TDRD12: variants seen among roughly 807,000 people sequenced by gnomAD.
The protein encoded by TDRD12 is putative ATP-dependent RNA helicase TDRD12.
TDRD12 carries 158 observed loss-of-function variants against 133.5 expected under a neutral mutation model. The observed-to-expected ratio is 1.18, with a 90% confidence interval of 1.04 to 1.35. The LOEUF (loss-of-function observed/expected upper bound fraction) is 1.35. TDRD12 is among the 40% of genes most tolerant of loss of function. TDRD12 has a pLI of 0.00. For missense variants in TDRD12, 1,443 were observed against 1,321.3 expected (o/e 1.09, Z -1.43); for synonymous variants, 460 against 477.9 (o/e 0.96, Z 0.49).
chr19:32,757,185 G>T (rs1970021349), intron 8 of TDRD12, 55 bp downstream of exon 8: 4 of 1,377,684 alleles, frequency 2.9e-6, no homozygotes, highest in Non-Finnish European at 4.0e-6. Context: ...AATATTCTTA[G>T]CTTTTTAAAG....
At chr19:32,721,015 CG>C in intron 1 of TDRD12, among the ~76,000 whole-genome samples, 1 of 152,142 alleles carries the variant, frequency 6.6e-6, no homozygotes, top group Middle Eastern at 3.4e-3. Context: ...CCGTACTCCA[CG>C]GGGCCCTTAG....
rs1244481585 is a variant in TDRD12 at position 32,818,144 on chromosome 19, CA to C, written c.3371del (p.Gln1124ArgfsTer50). ...AGACCAGGATCATCCATCCGAGGAGCAGGGGGGGCAGGGGTGAGTAAGAACA... is the reference window on the plus strand; with the variant it reads ...AGACCAGGATCATCCATCCGAGGAGCGGGGGGGCAGGGGTGAGTAAGAACA... On this transcript the variant is annotated frameshift_variant, in exon 27 of 28. Coordinates refer to ENST00000444215, the Ensembl canonical transcript of TDRD12. LOFTEE classifies it low-confidence loss of function (END_TRUNC). The C allele has an allele frequency of 1.3e-5, 9 of 701,618 alleles. 1 individual carries two copies. Among genetic ancestry groups the C allele is most frequent in the South Asian group, 5.9e-5 (4 of 67,444 alleles). The allele number at this position is 701,618 out of a possible 1,614,324, so 43.5% of individuals were successfully genotyped here. A position where few individuals can be genotyped will look rare whatever the true frequency, so the allele number is the denominator to read the frequency against.
intron 25 of TDRD12, among the ~76,000 whole-genome samples, chr19:32,814,372 T>C (rs1267400817): frequency 6.6e-6 from 1 of 152,208 alleles, no homozygotes; most frequent in African/African-American, 2.4e-5. Flanking sequence ...ACTTAAATCT[T>C]ACTATGAATA....
chr19:32,769,015 T>A (rs1970372370), intron 8 of TDRD12, among the ~76,000 whole-genome samples: 1 of 152,140 alleles, frequency 6.6e-6, no homozygotes, highest in African/African-American at 2.4e-5. Context: ...AGTGCTGGGA[T>A]TATAGGTGCA....
intron 8 of TDRD12, among the ~76,000 whole-genome samples, chr19:32,764,775 G>T (rs900015275): frequency 6.6e-6 from 1 of 152,064 alleles, no homozygotes; most frequent in African/African-American, 2.4e-5. Context: ...TATTTTGAAG[G>T]TCTGTTACTT....
At chr19:32,807,267 TAAAAAA>T (rs59421213) in intron 21 of TDRD12, among the ~76,000 whole-genome samples, 4 of 47,206 alleles carry the variant, frequency 8.5e-5, no homozygotes, top group Admixed American at 5.9e-4. Context: ...ACCAAACTCT[TAAAAAA>T]AAAAAAAAAA....
At chr19:32,743,731 T>C (rs1468791713) in intron 4 of TDRD12, among the ~76,000 whole-genome samples, 1 of 151,924 alleles carries the variant, frequency 6.6e-6, no homozygotes, top group Non-Finnish European at 1.5e-5. Context: ...AGAATTAACT[T>C]AAGAATATGT....
chr19:32,724,033 A>C (rs751465261), intron 1 of TDRD12, among the ~76,000 whole-genome samples: 31 of 151,864 alleles, frequency 2.0e-4, no homozygotes, highest in Non-Finnish European at 3.8e-4. Flanking sequence ...AATTAAAAAA[A>C]ATTTTTTTAG....
intron 14 of TDRD12, chr19:32,796,315 C>T (rs1468615099): frequency 7.3e-6 from 3 of 409,960 alleles, no homozygotes; most frequent in Admixed American, 6.4e-5. Context: ...GTTGGCCGGG[C>T]GCAGTGGCTC....
chr19:32,746,629 T>A (rs1454167558), intron 4 of TDRD12, among the ~76,000 whole-genome samples: 4 of 97,288 alleles, frequency 4.1e-5, no homozygotes, highest in Admixed American at 1.2e-4. Flanking sequence ...AGAGAGAGAG[T>A]CTGGCTGATG....
At chr19:32,756,395 G>GAT (rs1555767030) in intron 7 of TDRD12, among the ~76,000 whole-genome samples, 2 of 149,314 alleles carry the variant, frequency 1.3e-5, no homozygotes, top group African/African-American at 4.9e-5. Flanking sequence ...CTCGATTTCT[G>GAT]TTTTTTTTTT....
chr19:32,740,018 ACT>A (rs1969366804), intron 3 of TDRD12, among the ~76,000 whole-genome samples: 1 of 39,116 alleles, frequency 2.6e-5, no homozygotes, highest in Non-Finnish European at 4.6e-5. Flanking sequence ...TCTCCTGGGT[ACT>A]CTCTGCATCT....
intron 14 of TDRD12, among the ~76,000 whole-genome samples, chr19:32,795,490 T>C (rs1041900462): frequency 1.3e-4 from 20 of 150,770 alleles, no homozygotes; most frequent in Non-Finnish European, 3.0e-4. Flanking sequence ...TCAGGAAGAG[T>C]TACTGGGGTA....
At chr19:32,800,410 G>A in intron 17 of TDRD12, 52 bp downstream of exon 17, 5 of 1,324,044 alleles carry the variant, frequency 3.8e-6, no homozygotes, top group Non-Finnish European at 5.0e-6. Flanking sequence ...TGTATGTGTT[G>A]GTGGGGGGCT....
chr19:32,791,164 AT>A, intron 13 of TDRD12, 96 bp downstream of exon 13: 2 of 1,267,622 alleles, frequency 1.6e-6, no homozygotes, highest in Non-Finnish European at 2.1e-6. Flanking sequence ...GCATTGTATA[AT>A]TTCTTTGCTT....
chr19:32,803,196 C>A, intron 21 of TDRD12, 54 bp downstream of exon 21: 2 of 1,283,222 alleles, frequency 1.6e-6, no homozygotes, highest in Admixed American at 2.6e-5. Context: ...CAGTAAGGTG[C>A]ACAGCTGTTG....
At chr19:32,804,431 C>T (rs1599609121) in intron 21 of TDRD12, among the ~76,000 whole-genome samples, 1 of 151,262 alleles carries the variant, frequency 6.6e-6, no homozygotes, top group East Asian at 2.0e-4. Context: ...CAGTGGCTCA[C>T]ACCTGTAATC....
chr19:32,795,335 GAAAAAAAAAA>G (rs35855895), intron 14 of TDRD12, among the ~76,000 whole-genome samples: 1 of 114,272 alleles, frequency 8.8e-6, no homozygotes, highest in Non-Finnish European at 1.8e-5. Context: ...CTCCATCTCA[GAAAAAAAAAA>G]AAAAAAAGAA....
intron 10 of TDRD12, among the ~76,000 whole-genome samples, chr19:32,775,152 G>A (rs1035722830): frequency 2.0e-5 from 3 of 152,000 alleles, no homozygotes; most frequent in African/African-American, 7.3e-5. Context: ...AGACTCTGAT[G>A]AAACAAATGT....
Sources: allele counts gnomAD v4.1 joint callset (sites outside exome capture counted in the v4.1 genomes callset), GRCh38; gene constraint gnomAD v4.1.1; transcripts MANE v1.5; gene names NCBI Gene and HGNC (gene_info 2026-07-23, HGNC 2026-07-21).